OCA2: variants seen among roughly 807,000 people sequenced by gnomAD.
OCA2 encodes the protein P protein.
Under a neutral mutation model 100.2 loss-of-function variants are expected in OCA2, and 77 were observed. The observed-to-expected ratio is 0.77, with a 90% CI of 0.64 to 0.93. The LOEUF (loss-of-function observed/expected upper bound fraction) is 0.93, where lower values mean the gene tolerates loss of function less well. OCA2 is among the 40% of genes least tolerant of loss of function. The pLI is 0.00. For synonymous variants in OCA2, 432 were observed against 439.2 expected (o/e 0.98, Z 0.21); for missense variants, 1,062 against 1,089.1 (o/e 0.98, Z 0.35).
At chr15:27,798,499 G>A (rs1300602223) in intron 23 of OCA2, among the ~76,000 whole-genome samples, 1 of 152,116 alleles carries the variant, frequency 6.6e-6, no homozygotes, top group Admixed American at 6.6e-5. Flanking sequence ...ATGACCCAGA[G>A]AAAATAACTT....
intron 2 of OCA2, among the ~76,000 whole-genome samples, chr15:28,063,419 T>C (rs1229615544): frequency 1.3e-5 from 2 of 152,160 alleles, no homozygotes; most frequent in South Asian, 2.1e-4. Context: ...ATAATTACCA[T>C]TGAGGTAAGA....
chr15:27,860,553 T>C (rs2036093716), intron 21 of OCA2, among the ~76,000 whole-genome samples: 1 of 152,206 alleles, frequency 6.6e-6, no homozygotes, highest in Admixed American at 6.5e-5. Flanking sequence ...CATGTAATAT[T>C]TGGTTTTCTG....
chr15:27,871,773 G>C, intron 20 of OCA2, 90 bp downstream of exon 20: 2 of 957,588 alleles, frequency 2.1e-6, no homozygotes, highest in Non-Finnish European at 3.4e-6. Context: ...AATGGGACCT[G>C]TTCTTACCAG....
intron 23 of OCA2, among the ~76,000 whole-genome samples, chr15:27,777,539 A>T (rs1445541468): frequency 6.6e-6 from 1 of 152,246 alleles, no homozygotes; most frequent in East Asian, 1.9e-4. Context: ...GTTTCCAGCC[A>T]CTTATAATCT....
chr15:27,819,414 C>T (rs1566989813), intron 23 of OCA2, among the ~76,000 whole-genome samples: 2 of 152,212 alleles, frequency 1.3e-5, no homozygotes, highest in South Asian at 2.1e-4. Flanking sequence ...CAAGGTCCCC[C>T]ACTGCCTCAT....
At chr15:27,730,835 C>T in the OCA2 span, among the ~76,000 whole-genome samples, 1 of 144,236 alleles carries the variant, frequency 6.9e-6, no homozygotes, top group African/African-American at 2.5e-5. Flanking sequence ...TGGGCAACAC[C>T]AAAAACAATC....
intron 14 of OCA2, among the ~76,000 whole-genome samples, chr15:27,981,561 C>T (rs1430879191): frequency 6.6e-6 from 1 of 152,214 alleles, no homozygotes; most frequent in African/African-American, 2.4e-5. Context: ...TAGTTAATTA[C>T]CCCTCATAAC....
intron 23 of OCA2, among the ~76,000 whole-genome samples, chr15:27,817,523 C>A (rs1429645986): frequency 6.6e-6 from 1 of 152,220 alleles, no homozygotes; most frequent in South Asian, 2.1e-4. Context: ...GGAGCTCACT[C>A]ACCAGGAAAT....
At chr15:27,824,540 A>T (rs1005263975) in intron 23 of OCA2, among the ~76,000 whole-genome samples, 5 of 146,252 alleles carry the variant, frequency 3.4e-5, no homozygotes, top group Non-Finnish European at 7.5e-5. Context: ...ATGTGAAATT[A>T]AACTGGCAAA....
chr15:27,920,027 C>T (rs779184295), intron 19 of OCA2, among the ~76,000 whole-genome samples: 33 of 151,956 alleles, frequency 2.2e-4, no homozygotes, highest in Non-Finnish European at 3.7e-4. Flanking sequence ...AGACAGATGC[C>T]TTAACAGAGA....
At chr15:28,063,717 A>G (rs896396344) in intron 2 of OCA2, among the ~76,000 whole-genome samples, 2 of 152,130 alleles carry the variant, frequency 1.3e-5, no homozygotes, top group Non-Finnish European at 2.9e-5. Flanking sequence ...TGTTTGTTCT[A>G]TTGCTGACTA....
At chr15:28,088,781 G>A (rs963448138) in intron 1 of OCA2, among the ~76,000 whole-genome samples, 2 of 152,206 alleles carry the variant, frequency 1.3e-5, no homozygotes, top group African/African-American at 4.8e-5. Flanking sequence ...AAGGGAAATG[G>A]AGGCAGGGCG....
chr15:27,870,788 A>G (rs979084808), intron 21 of OCA2, among the ~76,000 whole-genome samples: 3 of 126,624 alleles, frequency 2.4e-5, no homozygotes, highest in African/African-American at 7.5e-5. Flanking sequence ...GAAAGAAAGA[A>G]AAAGAAAGAA....
At chr15:27,953,290 G>A (rs993305103) in intron 17 of OCA2, among the ~76,000 whole-genome samples, 5 of 152,168 alleles carry the variant, frequency 3.3e-5, no homozygotes, top group African/African-American at 1.2e-4. Context: ...CACATGCAAG[G>A]CCCTCTGTGT....
At chr15:27,815,582 C>G (rs2034265751) in intron 23 of OCA2, among the ~76,000 whole-genome samples, 1 of 152,172 alleles carries the variant, frequency 6.6e-6, no homozygotes, top group Non-Finnish European at 1.5e-5. Context: ...AACCCCTACA[C>G]TAGCAATTCC....
the OCA2 span, among the ~76,000 whole-genome samples, chr15:27,737,540 A>G: frequency 0.06 from 9,174 of 152,254 alleles, 829 homozygotes; most frequent in African/African-American, 0.2. Context: ...CTGAATATCC[A>G]TACCAAAAAA....
chr15:28,022,719 C>G (rs1280316364), intron 5 of OCA2, 146 bp from the exon 6 acceptor site: 1 of 695,570 alleles, frequency 1.4e-6, no homozygotes, highest in Non-Finnish European at 2.6e-6. Context: ...ATAGCTTTGT[C>G]TTAAATATTA....
chr15:27,747,528 A>G, the OCA2 span, among the ~76,000 whole-genome samples: 1 of 152,168 alleles, frequency 6.6e-6, no homozygotes, highest in East Asian at 1.9e-4. Flanking sequence ...TGAAGTGGGC[A>G]GGCCGGCCTG....
chr15:27,967,860 T>C (rs1049026297), intron 14 of OCA2, among the ~76,000 whole-genome samples: 1 of 152,192 alleles, frequency 6.6e-6, no homozygotes, highest in Non-Finnish European at 1.5e-5. Flanking sequence ...ACAAACGTCC[T>C]GGAATAAGTC....
Sources: gnomAD v4.1 joint callset for allele counts (sites outside exome capture counted in the v4.1 genomes callset) on GRCh38, gnomAD v4.1.1 for gene constraint, MANE v1.5 for transcripts, NCBI Gene and HGNC (gene_info 2026-07-23, HGNC 2026-07-21) for gene names.